RABGEF1: variants seen among roughly 807,000 people sequenced by gnomAD.
RABGEF1 encodes RAB guanine nucleotide exchange factor 1.
In RABGEF1, 26 loss-of-function variants were observed where a neutral mutation model predicts 57.3. The observed-to-expected ratio is 0.45, with a 90% CI of 0.33 to 0.63. The LOEUF (loss-of-function observed/expected upper bound fraction) is 0.63. RABGEF1 is among the 20% of genes least tolerant of loss of function. The pLI is 0.02. For synonymous variants in RABGEF1, 185 were observed against 210.7 expected (o/e 0.88, Z 1.06); for missense variants, 464 against 607.6 (o/e 0.76, Z 2.48).
intron 2 of RABGEF1, among the ~76,000 whole-genome samples, chr7:66,715,468 C>T (rs1795283843): frequency 6.6e-6 from 1 of 152,082 alleles, no homozygotes; most frequent in Admixed American, 6.6e-5. Flanking sequence ...ACATAAATTC[C>T]CCTTTAATTT....
chr7:66,752,209 C>A (rs1174989151), intron 1 of RABGEF1, among the ~76,000 whole-genome samples: 1 of 151,382 alleles, frequency 6.6e-6, no homozygotes, highest in Admixed American at 6.6e-5. Flanking sequence ...AAAAAAAAGT[C>A]TTGGCTGGGC....
At chr7:66,689,531 G>C (rs116090093) in intron 1 of RABGEF1, among the ~76,000 whole-genome samples, 15,780 of 152,186 alleles carry the variant, frequency 0.1, 896 homozygotes, top group Non-Finnish European at 0.11. Flanking sequence ...GGCCGGGCAA[G>C]GTGGCTCACG....
intron 1 of RABGEF1, among the ~76,000 whole-genome samples, chr7:66,743,300 AC>A (rs950734617): frequency 1.3e-5 from 2 of 149,228 alleles, no homozygotes; most frequent in African/African-American, 4.9e-5. Flanking sequence ...ACAGAGCGAG[AC>A]CTCGTCTCAA....
intron 1 of RABGEF1, among the ~76,000 whole-genome samples, chr7:66,757,223 G>A (rs1802950155): frequency 6.6e-6 from 1 of 152,098 alleles, no homozygotes; most frequent in African/African-American, 2.4e-5. Flanking sequence ...TTTTCTACAA[G>A]TGTTTACATA....
At chr7:66,688,262 A>G (rs900471792) in intron 1 of RABGEF1, among the ~76,000 whole-genome samples, 6 of 152,226 alleles carry the variant, frequency 3.9e-5, no homozygotes, top group African/African-American at 1.4e-4. Flanking sequence ...ACAACAGAGC[A>G]CCAAAACATA....
chr7:66,726,329 A>G (rs967765630), intron 2 of RABGEF1, among the ~76,000 whole-genome samples: 4 of 152,148 alleles, frequency 2.6e-5, no homozygotes, highest in Non-Finnish European at 5.9e-5. Flanking sequence ...CTCCAGGCTC[A>G]AAGACCAGGA....
Position 66,797,417 on chromosome 7 carries a change from G to A in RABGEF1, c.639G>A (p.Lys213=). The change falls in exon 6 of 9, where the codon AAG becomes AAA. Residue 213 remains lysine, a synonymous_variant. Coordinates refer to ENST00000284957, the MANE Select transcript of RABGEF1 (RefSeq NM_014504.3). ...AGAAGATAATGGATCAGATTGAAAAGTACATCATGACTCGTCTCTATAAAT... is the reference window on the plus strand; with the variant it reads ...AGAAGATAATGGATCAGATTGAAAAATACATCATGACTCGTCTCTATAAAT... ...RVEKIMDQIE[K]YIMTRLYKYV... 1.2e-6 allele frequency: 2 copies of A among 1,611,192 alleles called. No homozygotes were observed. The highest frequency in any genetic ancestry group is 2.2e-5 in the South Asian group (2 of 90,844).
At chr7:66,697,301 TA>T (rs1400607273) in intron 1 of RABGEF1, among the ~76,000 whole-genome samples, 2 of 152,160 alleles carry the variant, frequency 1.3e-5, no homozygotes, top group Admixed American at 6.5e-5. Flanking sequence ...CCATGTGCTG[TA>T]GGGGGCTTGC....
chr7:66,705,466 A>AGAGG (rs1793910832), intron 1 of RABGEF1, among the ~76,000 whole-genome samples: 1 of 138,824 alleles, frequency 7.2e-6, no homozygotes, highest in East Asian at 2.3e-4. Context: ...AGAGAGAGAG[A>AGAGG]GAGAGAGAGA....
At chr7:66,693,485 C>A (rs926204810) in intron 1 of RABGEF1, among the ~76,000 whole-genome samples, 4 of 152,184 alleles carry the variant, frequency 2.6e-5, no homozygotes, top group African/African-American at 9.7e-5. Flanking sequence ...CCTGCTGCCC[C>A]CAGAGACACA....
At chr7:66,755,488 G>GA (rs530182977) in intron 1 of RABGEF1, among the ~76,000 whole-genome samples, 18 of 149,460 alleles carry the variant, frequency 1.2e-4, no homozygotes, top group African/African-American at 1.7e-4. Context: ...GAAAAGAAAA[G>GA]AAAAAAAAAG....
At chr7:66,670,835 G>C in the RABGEF1 span, among the ~76,000 whole-genome samples, 1 of 151,738 alleles carries the variant, frequency 6.6e-6, no homozygotes, top group Non-Finnish European at 1.5e-5. Context: ...GATAGAGCAA[G>C]ATTCCGTCTC....
intron 1 of RABGEF1, among the ~76,000 whole-genome samples, chr7:66,684,620 C>T (rs1351354400): frequency 6.6e-6 from 1 of 152,052 alleles, no homozygotes; most frequent in Admixed American, 6.6e-5. Context: ...GTAATTTAGC[C>T]TGATTGGCTA....
At chr7:66,655,843 C>A in the RABGEF1 span, among the ~76,000 whole-genome samples, 2 of 152,182 alleles carry the variant, frequency 1.3e-5, no homozygotes, top group Non-Finnish European at 2.9e-5. Context: ...TTTTTAATGA[C>A]CTTCCAAGCA....
the RABGEF1 span, among the ~76,000 whole-genome samples, chr7:66,655,160 G>T: frequency 6.6e-6 from 1 of 152,228 alleles, no homozygotes; most frequent in East Asian, 1.9e-4. Flanking sequence ...CCCGGAGTTG[G>T]GAGGGGATTT....
At chr7:66,660,785 C>G in the RABGEF1 span, among the ~76,000 whole-genome samples, 3 of 152,242 alleles carry the variant, frequency 2.0e-5, no homozygotes, top group Non-Finnish European at 4.4e-5. Context: ...TTTGCAAACT[C>G]TTTCAAAAAC....
the RABGEF1 span, among the ~76,000 whole-genome samples, chr7:66,659,734 G>A: frequency 1.3e-5 from 2 of 151,048 alleles, no homozygotes; most frequent in African/African-American, 2.4e-5. Context: ...AGCCGAGATT[G>A]CACCACTGCA....
intron 1 of RABGEF1, among the ~76,000 whole-genome samples, chr7:66,770,997 T>C (rs1185936549): frequency 6.6e-6 from 1 of 152,160 alleles, no homozygotes; most frequent in Admixed American, 6.6e-5. Flanking sequence ...GTTGTTGTTA[T>C]TGAGTTGTAG....
intron 2 of RABGEF1, among the ~76,000 whole-genome samples, chr7:66,772,779 G>A (rs1362451943): frequency 6.6e-6 from 1 of 151,900 alleles, no homozygotes; most frequent in African/African-American, 2.4e-5. Context: ...GGGCATGGTG[G>A]TACGCATTTG....
Sources: gnomAD v4.1 joint callset for allele counts (sites outside exome capture counted in the v4.1 genomes callset) on GRCh38, gnomAD v4.1.1 for gene constraint, MANE v1.5 for transcripts, NCBI Gene and HGNC (gene_info 2026-07-23, HGNC 2026-07-21) for gene names.